CACNA1D: variants seen among roughly 807,000 people sequenced by gnomAD.
CACNA1D encodes the protein voltage-dependent L-type calcium channel subunit alpha-1D.
A neutral mutation model predicts 257.1 loss-of-function variants in CACNA1D; 55 were observed. The ratio of observed to expected loss-of-function variants is 0.21; its 90% confidence interval spans 0.17 to 0.27. The LOEUF (loss-of-function observed/expected upper bound fraction) is 0.27, where lower values mean the gene tolerates loss of function less well. Ranked by LOEUF, CACNA1D falls within the 10% of genes least tolerant of loss-of-function variation. The pLI is 1.00. For missense variants in CACNA1D, 1,876 were observed against 2,784.0 expected (o/e 0.67, Z 7.34); for synonymous variants, 980 against 1,014.9 (o/e 0.97, Z 0.65).
At chr3:53,547,680 G>C (rs2092441523) in intron 3 of CACNA1D, among the ~76,000 whole-genome samples, 2 of 152,194 alleles carry the variant, frequency 1.3e-5, no homozygotes, top group African/African-American at 4.8e-5. Flanking sequence ...GGCACATTTT[G>C]AACCCGCTGT....
At chr3:53,569,245 C>A (rs1303712627) in intron 3 of CACNA1D, among the ~76,000 whole-genome samples, 1 of 152,212 alleles carries the variant, frequency 6.6e-6, no homozygotes, top group East Asian at 1.9e-4. Context: ...ACATCTCATG[C>A]ATCTCCAGTT....
At chr3:53,590,739 C>G (rs769833089) in intron 3 of CACNA1D, among the ~76,000 whole-genome samples, 2 of 152,184 alleles carry the variant, frequency 1.3e-5, no homozygotes, top group African/African-American at 4.8e-5. Context: ...GGCACCCTCT[C>G]GTTTCCTCAT....
intron 39 of CACNA1D, among the ~76,000 whole-genome samples, chr3:53,784,728 C>G (rs1300791441): frequency 6.6e-6 from 1 of 152,164 alleles, no homozygotes; most frequent in African/African-American, 2.4e-5. Context: ...CCACCAGAGA[C>G]TCTCCCTGGG....
At chr3:53,791,155 C>T in intron 40 of CACNA1D, 2 of 643,598 alleles carry the variant, frequency 3.1e-6, no homozygotes, top group Admixed American at 4.8e-5. Context: ...CCCAGGGAGA[C>T]CCCTTCCAAG....
intron 3 of CACNA1D, among the ~76,000 whole-genome samples, chr3:53,585,390 C>T (rs530005331): frequency 6.6e-6 from 1 of 152,234 alleles, no homozygotes; most frequent in African/African-American, 2.4e-5. Context: ...GGCCTATTTA[C>T]AGTTAGAAGA....
At chr3:53,708,205 CTGTTTTGAAAGACTG>C (rs1165727338) in intron 9 of CACNA1D, among the ~76,000 whole-genome samples, 1 of 152,264 alleles carries the variant, frequency 6.6e-6, no homozygotes, top group Non-Finnish European at 1.5e-5. Context: ...TTTGCTGGTC[CTGTTTTGAAAGACTG>C]TGTTTTGAAA....
In CACNA1D at chr3:53,543,916, A is replaced by G. The variant is rs74654826; in HGVS notation, c.483+42196A>G. 4.3e-3 allele frequency among the ~76,000 whole-genome samples: 654 copies of G among 152,326 alleles called. 3 individuals are homozygous for G. The highest frequency in any genetic ancestry group is 0.015 in the African/African-American group (622 of 41,558). On this transcript the variant is annotated intron_variant, in intron 3 of 47. Transcript: ENST00000350061. ...CAAATTAGGCAAGAAAAGCACAAAG[A>G]AGAAAATAAGAATCATCCATATTTC...
Position 53,805,755 on chromosome 3 carries a change from C to T in CACNA1D, c.5749+609C>T, listed in dbSNP as rs565848820. On this transcript the variant is annotated intron_variant, in intron 45 of 47. Coordinates refer to ENST00000350061, the MANE Select transcript of CACNA1D (RefSeq NM_001128840.3). The stretch of plus-strand genomic sequence containing the variant: ...TCCCTCCTCCTCCCTCATCTTCCCT[C>T]CTCCTCCCTCATCTTCCCTCTTCCT... 2.1e-5 allele frequency among the ~76,000 whole-genome samples: 3 copies of T among 143,464 alleles called. 1 individual carries two copies. In the South Asian group the frequency reaches 6.8e-4, roughly 32 times the overall value. The allele number at this position is 143,464 out of a possible 152,430, so 94.1% of individuals were successfully genotyped here.
chr3:53,673,575 AAAG>A lies in CACNA1D; in HGVS notation c.1220+450_1220+452del. ...TCCTTATTTGCAGAAAAAAAAAAAAAAAGGGAAGGACCTAGGCCCAGTCCCTGT... is the reference window on the plus strand; with the variant it reads ...TCCTTATTTGCAGAAAAAAAAAAAAAGGAAGGACCTAGGCCCAGTCCCTGT... On this transcript the variant is annotated intron_variant, in intron 8 of 47. Coordinates refer to ENST00000350061, the MANE Select transcript of CACNA1D (RefSeq NM_001128840.3). The surrounding 1 kb of genome is among the most constrained non-coding windows in gnomAD (Gnocchi z 4.1). 1.5e-6 allele frequency: 1 copy of A among 680,544 alleles called. No individual in the cohort carries two copies. Among genetic ancestry groups the A allele is most frequent in the Non-Finnish European group, 2.6e-6 (1 of 380,502 alleles). The allele number at this position is 680,544 out of a possible 1,614,324, so 42.2% of individuals were successfully genotyped here.
At chr3:53,619,605 A>C (rs2093674361) in intron 3 of CACNA1D, among the ~76,000 whole-genome samples, 1 of 152,180 alleles carries the variant, frequency 6.6e-6, no homozygotes, top group Non-Finnish European at 1.5e-5. Context: ...TTGTGGCTCT[A>C]AGGTGAATGT....
intron 40 of CACNA1D, among the ~76,000 whole-genome samples, chr3:53,787,601 G>A (rs1167120531): frequency 1.3e-5 from 2 of 152,120 alleles, no homozygotes; most frequent in Admixed American, 6.5e-5. Flanking sequence ...CTCCTAGAGT[G>A]TGGATGTGGC....
At chr3:53,502,824 G>A (rs1275850638) in intron 3 of CACNA1D, among the ~76,000 whole-genome samples, 1 of 152,154 alleles carries the variant, frequency 6.6e-6, no homozygotes, top group Non-Finnish European at 1.5e-5. Context: ...GCAATCAGAA[G>A]CCATGCAGAA....
At chr3:53,810,358 G>T (rs1440499903) in intron 47 of CACNA1D, 60 bp downstream of exon 47, 2 of 1,532,968 alleles carry the variant, frequency 1.3e-6, no homozygotes, top group African/African-American at 2.7e-5. Context: ...AGGTGCAACT[G>T]TAACAGCAGG....
chr3:53,809,947 C>G (rs1224999550), intron 46 of CACNA1D, 31 bp from the exon 47 acceptor site: 16 of 1,607,432 alleles, frequency 1.0e-5, no homozygotes, highest in Non-Finnish European at 1.2e-5. Context: ...CTGAGAACCT[C>G]TGGTCTCCCA....
chr3:53,810,437 G>T, intron 47 of CACNA1D, 139 bp downstream of exon 47: 1 of 816,536 alleles, frequency 1.2e-6, no homozygotes, highest in South Asian at 1.4e-5. Context: ...CTGAGCAGCA[G>T]GAATGTACCT....
chr3:53,640,680 T>A (rs1225877124), intron 3 of CACNA1D, among the ~76,000 whole-genome samples: 1 of 152,266 alleles, frequency 6.6e-6, no homozygotes, highest in Admixed American at 6.5e-5. Flanking sequence ...TGTTTGTTGA[T>A]ATGATTTACC....
rs138264307 is a variant in CACNA1D, at chr3:53,801,300, C to T, written c.5283C>T (p.Ala1761=). 2.3e-4 allele frequency: 365 copies of T among 1,614,086 alleles called. 1 individual carries two copies. The East Asian group carries it at 8.0e-3, about 35-fold the overall frequency. ...PTSTNANLNN[A]NMSKAAHGKR... ...CAACAAATGCCAATCTCAATAATGC[C>T]AATATGTCCAAAGCTGCCCATGGAA... The change falls in exon 42 of 48, where the codon GCC becomes GCT. Residue 1761 remains alanine, a synonymous_variant. Transcript: ENST00000350061.
intron 37 of CACNA1D, among the ~76,000 whole-genome samples, chr3:53,777,402 G>A (rs1014286247): frequency 1.2e-4 from 18 of 152,196 alleles, no homozygotes; most frequent in Admixed American, 8.5e-4. Context: ...GGGAGGAAAC[G>A]TGAATTTCAG....
At chr3:53,634,122 A>G (rs1284812804) in intron 3 of CACNA1D, among the ~76,000 whole-genome samples, 1 of 152,242 alleles carries the variant, frequency 6.6e-6, no homozygotes, top group Non-Finnish European at 1.5e-5. Context: ...CTATATTGAC[A>G]TATAAAGGCA....
Sources: gnomAD v4.1 joint callset for allele counts (sites outside exome capture counted in the v4.1 genomes callset) on GRCh38, gnomAD v4.1.1 for gene constraint, Gnocchi (gnomAD v3.1) non-coding constraint, MANE v1.5 for transcripts, NCBI Gene and HGNC (gene_info 2026-07-23, HGNC 2026-07-21) for gene names.